Variants in TMED3 observed in about 807,000 individuals in gnomAD.
TMED3 encodes the protein transmembrane emp24 domain-containing protein 3.
In TMED3, 9 loss-of-function variants were observed where a neutral mutation model predicts 15.0. That is an observed-to-expected ratio of 0.60 (90% CI 0.36 to 1.04). TMED3 has a LOEUF of 1.04. Ranked by LOEUF, TMED3 falls within the 50% of genes least tolerant of loss-of-function variation. TMED3 has a pLI of 0.01. For synonymous variants in TMED3, 117 were observed against 121.4 expected, an observed-to-expected ratio of 0.96 and a Z score of 0.24; for missense variants, 267 against 278.9, an observed-to-expected ratio of 0.96 and a Z score of 0.30.
chr15:79,356,872 G>A (rs1053897225), intron 2 of TMED3, among the ~76,000 whole-genome samples: 12 of 152,082 alleles, frequency 7.9e-5, no homozygotes. Context: ...AGTTAAATAA[G>A]GTAAGATATG....
Position 79,335,593 on chromosome 15 carries a change from A to T in TMED3, c.417+21588A>T, listed in dbSNP as rs574564208. On this transcript the variant is annotated intron_variant, in intron 2 of 2. Coordinates refer to the TMED3 transcript ENST00000424155. ...TCTTGAATCAGCTACCCCAGGAAAA[A>T]CTCTACTGAGTAAGGAAAGGAAAGG... Among the ~76,000 whole-genome samples the T allele has an allele frequency of 1.6e-4, 24 of 152,158 alleles. No homozygotes were observed. In the South Asian group the frequency reaches 5.0e-3, roughly 32 times the overall value.
Position 79,399,981 on chromosome 15 carries a change from A to G in TMED3, c.418-11419A>G, listed in dbSNP as rs1052534710. Among the ~76,000 whole-genome samples, 9 of 152,204 alleles carry G rather than the reference A, an allele frequency of 5.9e-5. No homozygotes were observed. The South Asian group carries it at 8.3e-4, about 14-fold the overall frequency. On this transcript the variant is annotated intron_variant, in intron 2 of 2. Transcript: ENST00000424155. ...TTTACAAGGTATCCCAGGTCAGGAA[A>G]TTGCTGTCCACAACCCCTGTCCTCA...
chr15:79,324,016 A>T (rs1191052571), downstream of TMED3, among the ~76,000 whole-genome samples: 2 of 152,140 alleles, frequency 1.3e-5, no homozygotes, highest in African/African-American at 4.8e-5. Flanking sequence ...TTTGAGACAG[A>T]GTCTCACTCT....
chr15:79,390,839 A>T (rs1215368439), intron 2 of TMED3, among the ~76,000 whole-genome samples: 1 of 152,006 alleles, frequency 6.6e-6, no homozygotes, highest in Non-Finnish European at 1.5e-5. Context: ...GAATTTATCC[A>T]TCTCTTCTAG....
At chr15:79,387,217 G>C (rs1229188865) in intron 2 of TMED3, among the ~76,000 whole-genome samples, 1 of 152,110 alleles carries the variant, frequency 6.6e-6, no homozygotes, top group Non-Finnish European at 1.5e-5. Flanking sequence ...CCCCTGGATT[G>C]TTTTTAGTGT....
chr15:79,398,187 T>C (rs1225451329), intron 2 of TMED3, among the ~76,000 whole-genome samples: 1 of 152,164 alleles, frequency 6.6e-6, no homozygotes, highest in African/African-American at 2.4e-5. Flanking sequence ...ATTTCTTTAC[T>C]GTCTCCATTG....
exon 3 of TMED3, chr15:79,412,408 AG>A (rs982841061): frequency 2.0e-5 from 3 of 152,378 alleles, no homozygotes; most frequent in African/African-American, 7.2e-5. Context: ...CACCTTCACC[AG>A]TGCCTTGCCC....
intron 2 of TMED3, among the ~76,000 whole-genome samples, chr15:79,382,350 C>G (rs960002902): frequency 2.6e-5 from 4 of 152,152 alleles, no homozygotes; most frequent in African/African-American, 4.8e-5. Flanking sequence ...GCTGGCTGGA[C>G]CCCCAGACTC....
chr15:79,332,503 T>C (rs1194653133), intron 2 of TMED3, among the ~76,000 whole-genome samples: 2 of 152,236 alleles, frequency 1.3e-5, no homozygotes, highest in East Asian at 1.9e-4. Flanking sequence ...CACTAAGACA[T>C]GTTAAAGACT....
intron 2 of TMED3, among the ~76,000 whole-genome samples, chr15:79,393,987 GT>G (rs10713422): frequency 0.31 from 46,374 of 151,922 alleles, 8,560 homozygotes; most frequent in Middle Eastern, 0.51. Context: ...ATGAGACACA[GT>G]GCCCGGCCCA....
At chr15:79,363,352 C>G (rs1893166357) in intron 2 of TMED3, among the ~76,000 whole-genome samples, 1 of 152,052 alleles carries the variant, frequency 6.6e-6, no homozygotes, top group African/African-American at 2.4e-5. Context: ...ACTTGTAAAA[C>G]TTCTGTATAT....
At chr15:79,348,829 C>T (rs8030610) in intron 2 of TMED3, among the ~76,000 whole-genome samples, 14,236 of 152,086 alleles carry the variant, frequency 0.094, 701 homozygotes, top group Admixed American at 0.12. Flanking sequence ...CTTGTTGTGA[C>T]TTGTGTTTTT....
intron 2 of TMED3, among the ~76,000 whole-genome samples, chr15:79,328,072 C>T (rs2058793682): frequency 6.6e-6 from 1 of 152,176 alleles, no homozygotes; most frequent in South Asian, 2.1e-4. Flanking sequence ...GCTGCTTCTG[C>T]TCAAGCTCTC....
chr15:79,369,647 T>C (rs1297152248), intron 2 of TMED3, among the ~76,000 whole-genome samples: 3 of 152,244 alleles, frequency 2.0e-5, no homozygotes, highest in Non-Finnish European at 4.4e-5. Context: ...TTTTTATGAT[T>C]TGAACAGTGC....
At chr15:79,389,000 G>T (rs528902998) in intron 2 of TMED3, among the ~76,000 whole-genome samples, 1 of 152,228 alleles carries the variant, frequency 6.6e-6, no homozygotes, top group East Asian at 1.9e-4. Context: ...TCCTTCGTTA[G>T]ATGTATAGAT....
chr15:79,408,080 G>A (rs1239502692), intron 2 of TMED3, among the ~76,000 whole-genome samples: 1 of 152,206 alleles, frequency 6.6e-6, no homozygotes, highest in Non-Finnish European at 1.5e-5. Flanking sequence ...AAACTGTAAT[G>A]TGCTATAAAA....
chr15:79,339,474 A>G (rs1480641359), intron 2 of TMED3, among the ~76,000 whole-genome samples: 3 of 152,200 alleles, frequency 2.0e-5, no homozygotes, highest in Non-Finnish European at 4.4e-5. Flanking sequence ...TGGTCCCTAC[A>G]CTGTACAAAT....
chr15:79,390,289 T>C (rs1299461744), intron 2 of TMED3, among the ~76,000 whole-genome samples: 1 of 152,220 alleles, frequency 6.6e-6, no homozygotes, highest in Non-Finnish European at 1.5e-5. Context: ...CTGAGAGTTA[T>C]AATCATGAAG....
chr15:79,356,027 G>A (rs142816283), intron 2 of TMED3, among the ~76,000 whole-genome samples: 175 of 152,284 alleles, frequency 1.1e-3, no homozygotes, highest in African/African-American at 4.1e-3. Context: ...TTCTGGTCCA[G>A]CTTGTCCTCA....
Sources: gnomAD v4.1 joint callset for allele counts (sites outside exome capture counted in the v4.1 genomes callset) on GRCh38, gnomAD v4.1.1 for gene constraint, MANE v1.5 for transcripts, NCBI Gene and HGNC (gene_info 2026-07-23, HGNC 2026-07-21) for gene names.